Variants in SASH1 observed in about 807,000 individuals in gnomAD.
The protein encoded by SASH1 is SAM and SH3 domain-containing protein 1.
A neutral mutation model predicts 125.2 loss-of-function variants in SASH1; 44 were observed. The observed-to-expected ratio is 0.35, with a 90% CI of 0.28 to 0.45. The LOEUF (loss-of-function observed/expected upper bound fraction) is 0.45. SASH1 is among the 20% of genes least tolerant of loss of function. SASH1 has a pLI of 1.00. For synonymous variants in SASH1, 639 were observed against 649.1 expected, an observed-to-expected ratio of 0.98 and a Z score of 0.24; for missense variants, 1,426 against 1,614.5, an observed-to-expected ratio of 0.88 and a Z score of 2.00.
chr6:148,253,199 A>G, the SASH1 span, among the ~76,000 whole-genome samples: 1 of 152,216 alleles, frequency 6.6e-6, no homozygotes, highest in Non-Finnish European at 1.5e-5. Flanking sequence ...CAACGCTACA[A>G]TGTGGTGCTG....
intron 7 of SASH1, among the ~76,000 whole-genome samples, chr6:148,484,754 A>G (rs919836562): frequency 6.6e-6 from 1 of 152,160 alleles, no homozygotes; most frequent in African/African-American, 2.4e-5. Flanking sequence ...CAACCTGGGC[A>G]TCATGATGAA....
At chr6:148,199,933 C>T in the SASH1 span, among the ~76,000 whole-genome samples, 6,488 of 152,170 alleles carry the variant, frequency 0.043, 184 homozygotes, top group Non-Finnish European at 0.059. Flanking sequence ...AACTGATATT[C>T]TGAATATCAA....
the SASH1 span, among the ~76,000 whole-genome samples, chr6:148,260,606 T>C: frequency 7.6e-6 from 1 of 131,152 alleles, no homozygotes; most frequent in Non-Finnish European, 1.6e-5. Flanking sequence ...ACCCTGTCTT[T>C]AAAAAAAAAA....
intron 8 of SASH1, among the ~76,000 whole-genome samples, chr6:148,501,245 A>G (rs1779548362): frequency 6.6e-6 from 1 of 152,116 alleles, no homozygotes; most frequent in South Asian, 2.1e-4. Flanking sequence ...CCTGTCGGAG[A>G]AGTCATCGTG....
chr6:148,546,613 A>G (rs1425769250), intron 19 of SASH1, among the ~76,000 whole-genome samples: 1 of 152,238 alleles, frequency 6.6e-6, no homozygotes. Context: ...TGTATACTTG[A>G]AAATTGCTAG....
At position 148,337,041 on chromosome 6, in the gene SASH1, C is replaced by T. The variant is rs890086538; in HGVS notation, n.75-53093C>T. On this transcript the variant is annotated intron_variant and non_coding_transcript_variant, in intron 1 of 3. Coordinates refer to the SASH1 transcript ENST00000367469. ...GGCTTTTAAACTTTTGTAATTCTGGCCCACAGTTAAGAACAAGTTTTTGTT... is the reference window on the plus strand; with the variant it reads ...GGCTTTTAAACTTTTGTAATTCTGGTCCACAGTTAAGAACAAGTTTTTGTT... Among the ~76,000 whole-genome samples the T allele has an allele frequency of 2.0e-5, 3 of 152,196 alleles. No individual in the cohort carries two copies. The East Asian group carries it at 5.8e-4, about 29-fold the overall frequency.
chr6:148,266,602 A>G, the SASH1 span, among the ~76,000 whole-genome samples: 9 of 152,004 alleles, frequency 5.9e-5, no homozygotes, highest in African/African-American at 1.9e-4. Context: ...GAAACAAGAG[A>G]GCTTTTCTTT....
the SASH1 span, among the ~76,000 whole-genome samples, chr6:148,242,344 A>G: frequency 6.6e-6 from 1 of 152,238 alleles, no homozygotes; most frequent in Non-Finnish European, 1.5e-5. Context: ...CCAAGAAGGC[A>G]AAGTTCCATT....
chr6:148,208,249 A>T, the SASH1 span, among the ~76,000 whole-genome samples: 1 of 152,172 alleles, frequency 6.6e-6, no homozygotes, highest in Admixed American at 6.5e-5. Context: ...GAGGAACATG[A>T]CCTAATGCTG....
Position 148,495,982 on chromosome 6 carries a change from C to T in SASH1, c.729+8267C>T, listed in dbSNP as rs1309256373. On this transcript the variant is annotated intron_variant, in intron 8 of 19. Coordinates refer to ENST00000367467, the MANE Select transcript of SASH1 (RefSeq NM_015278.5). This position sits in a 1 kb window ranked among gnomAD's most constrained non-coding sequence, Gnocchi z 4.0. The stretch of plus-strand genomic sequence containing the variant: ...TCCAGAGTAGCTGGGATTACAGGCG[C>T]ACGCCATCACGCCTGGCTAATTTTT... 6.6e-6 allele frequency among the ~76,000 whole-genome samples: 1 copy of T among 151,446 alleles called. No individual in the cohort carries two copies. The highest frequency in any genetic ancestry group is 1.5e-5 in the Non-Finnish European group (1 of 67,904).
intron 8 of SASH1, among the ~76,000 whole-genome samples, chr6:148,506,825 T>C (rs1779827525): frequency 6.6e-6 from 1 of 152,164 alleles, no homozygotes; most frequent in Non-Finnish European, 1.5e-5. Context: ...CTTTGCAGCA[T>C]AGTTGTCAGT....
At chr6:148,472,890 G>C (rs1170889267) in intron 6 of SASH1, among the ~76,000 whole-genome samples, 3 of 152,214 alleles carry the variant, frequency 2.0e-5, no homozygotes, top group Admixed American at 6.5e-5. Context: ...CTGGTAAAAA[G>C]TATGAATGAG....
chr6:148,336,176 C>CTTTTTTTTTTTTT (rs61290611), intron 1 of SASH1, among the ~76,000 whole-genome samples: 2 of 70,726 alleles, frequency 2.8e-5, no homozygotes, highest in Non-Finnish European at 5.2e-5. Flanking sequence ...AAACTGCATC[C>CTTTTTTTTTTTTT]TTTTTTTTTT....
At chr6:148,446,803 A>G (rs1241914206) in intron 4 of SASH1, among the ~76,000 whole-genome samples, 1 of 152,238 alleles carries the variant, frequency 6.6e-6, no homozygotes, top group Non-Finnish European at 1.5e-5. Context: ...ATTCCCATCT[A>G]CAAATGCAAA....
At chr6:148,322,989 C>G (rs76159969) in intron 1 of SASH1, among the ~76,000 whole-genome samples, 1 of 134,264 alleles carries the variant, frequency 7.4e-6, no homozygotes, top group Admixed American at 8.2e-5. Context: ...CTCCCTTTCT[C>G]TTTCTCTCTC....
intron 2 of SASH1, among the ~76,000 whole-genome samples, chr6:148,400,371 A>G (rs1361808389): frequency 2.0e-5 from 3 of 152,232 alleles, no homozygotes; most frequent in Non-Finnish European, 2.9e-5. Context: ...TACACCTGAC[A>G]TTGTCCTCCT....
intron 1 of SASH1, among the ~76,000 whole-genome samples, chr6:148,372,036 A>G (rs1366214708): frequency 2.0e-5 from 3 of 152,176 alleles, no homozygotes; most frequent in African/African-American, 7.2e-5. Flanking sequence ...GTCTTCACTC[A>G]TTTTTATAAA....
At chr6:148,482,694 T>TTTTTTTTTTTTTG in intron 7 of SASH1, among the ~76,000 whole-genome samples, 1 of 140,946 alleles carries the variant, frequency 7.1e-6, no homozygotes, top group African/African-American at 2.7e-5. Flanking sequence ...GCTAATTTTT[T>TTTTTTTTTTTTTG]TTTTTTTTTT....
chr6:148,322,696 C>T (rs1435131188), intron 1 of SASH1, among the ~76,000 whole-genome samples: 1 of 152,206 alleles, frequency 6.6e-6, no homozygotes, highest in Non-Finnish European at 1.5e-5. Context: ...CCTCCCTTGG[C>T]ATCATGCCAT....
Sources: allele counts gnomAD v4.1 joint callset (sites outside exome capture counted in the v4.1 genomes callset), GRCh38; gene constraint gnomAD v4.1.1; non-coding constraint Gnocchi (gnomAD v3.1); transcripts MANE v1.5; gene names NCBI Gene and HGNC (gene_info 2026-07-23, HGNC 2026-07-21).